The following CDH22 variants were observed in gnomAD, a reference collection of about 807,000 sequenced individuals.
CDH22 encodes cadherin-22.
CDH22 carries 30 observed loss-of-function variants against 58.4 expected under a neutral mutation model. The observed-to-expected ratio is 0.51, with a 90% confidence interval of 0.38 to 0.70. The LOEUF is 0.70. CDH22 is among the 30% of genes least tolerant of loss of function. CDH22 has a pLI of 0.00. For synonymous variants in CDH22, 513 were observed against 558.2 expected, an observed-to-expected ratio of 0.92 and a Z score of 1.14; for missense variants, 1,014 against 1,233.9, an observed-to-expected ratio of 0.82 and a Z score of 2.67.
intron 1 of CDH22, among the ~76,000 whole-genome samples, chr20:46,304,874 T>C (rs1477601822): frequency 2.0e-5 from 3 of 152,168 alleles, no homozygotes; most frequent in African/African-American, 7.2e-5. Flanking sequence ...GGCTGGTAAG[T>C]ATATGAAGCC....
chr20:46,285,856 C>T (rs1028860473), intron 1 of CDH22, among the ~76,000 whole-genome samples: 3 of 152,114 alleles, frequency 2.0e-5, no homozygotes, highest in African/African-American at 7.2e-5. Context: ...AATCTCTGCC[C>T]GTTTGGGACT....
Position 46,241,331 on chromosome 20 carries a change from T to C in CDH22, c.256-74A>G, listed in dbSNP as rs1394737756. On this transcript the variant is annotated intron_variant, in intron 2 of 11. Coordinates refer to ENST00000537909, the MANE Select transcript of CDH22 (RefSeq NM_021248.3). This position sits in a 1 kb window ranked among gnomAD's most constrained non-coding sequence, Gnocchi z 5.2. ...TCTTGGCCTCACTGTCTCATGCCATTGGCTGCCTATTCCTAAGCCCATCTC... is the reference window on the plus strand; with the variant it reads ...TCTTGGCCTCACTGTCTCATGCCATCGGCTGCCTATTCCTAAGCCCATCTC... 1.0e-5 allele frequency: 13 copies of C among 1,294,158 alleles called. No homozygotes were observed. The highest frequency in any genetic ancestry group is 2.4e-5 in the Admixed American group (1 of 41,236). 80.2% of individuals were successfully genotyped at this position (1,294,158 alleles called of 1,614,324 possible).
chr20:46,193,091 C>T (rs1430310206), intron 8 of CDH22, among the ~76,000 whole-genome samples: 2 of 152,106 alleles, frequency 1.3e-5, no homozygotes, highest in Non-Finnish European at 2.9e-5. Flanking sequence ...ACCCTGAAAT[C>T]ATAACATCCC....
In CDH22 at chr20:46,227,515, G is replaced by T; in HGVS notation, c.663C>A (p.Pro221=). Residue 221 remains proline, a synonymous_variant, in exon 4 of 12, where the codon CCC becomes CCA. Coordinates refer to ENST00000537909, the MANE Select transcript of CDH22 (RefSeq NM_021248.3). ...CCCCGCCCTGCCCCTCACCGGTCTT[G>T]GGGTCCACGGTGAAGTGGTGCTCGC... ...LDGEHHFTVD[P]KTGVIRTAVP... 6.5e-7 allele frequency: 1 copy of T among 1,535,280 alleles called. No homozygotes were observed. The highest frequency in any genetic ancestry group is 2.5e-5 in the East Asian group (1 of 39,468).
At position 46,210,582 on chromosome 20, in the gene CDH22, C is replaced by T; in HGVS notation, c.1033-22G>A. On this transcript the variant is annotated intron_variant, in intron 6 of 11. Transcript: ENST00000537909. This position sits in a 1 kb window ranked among gnomAD's most constrained non-coding sequence, Gnocchi z 4.5. ...GGCGCTGCGGGAGGGAGCAGAGGGC[C>T]GGTTAGTGGGTGGGGTCTGGTGGAC... 1 of 1,421,572 alleles carries T rather than the reference C, an allele frequency of 7.0e-7. No homozygotes were observed. The highest frequency in any genetic ancestry group is 9.2e-7 in the Non-Finnish European group (1 of 1,083,960). The allele number at this position is 1,421,572 out of a possible 1,614,324, so 88.1% of individuals were successfully genotyped here.
intron 10 of CDH22, among the ~76,000 whole-genome samples, chr20:46,181,161 G>A (rs2085781500): frequency 6.6e-6 from 1 of 152,136 alleles, no homozygotes; most frequent in African/African-American, 2.4e-5. Context: ...ACACCAGCTC[G>A]CTGCTGGTCC....
At chr20:46,223,629 TTTTCTTTC>T (rs74176856) in intron 4 of CDH22, among the ~76,000 whole-genome samples, 28 of 145,442 alleles carry the variant, frequency 1.9e-4, no homozygotes, top group African/African-American at 7.6e-4. Flanking sequence ...TTTCTTTCTT[TTTTCTTTC>T]TTTCTTTCTT....
At chr20:46,288,628 C>T (rs1158022075) in intron 1 of CDH22, among the ~76,000 whole-genome samples, 2 of 152,204 alleles carry the variant, frequency 1.3e-5, no homozygotes, top group East Asian at 3.8e-4. Context: ...ATAATGAGAA[C>T]ATAAATTCAA....
At chr20:46,238,347 T>C (rs1318048370) in intron 3 of CDH22, among the ~76,000 whole-genome samples, 4 of 152,170 alleles carry the variant, frequency 2.6e-5, no homozygotes, top group South Asian at 2.1e-4. Context: ...GACATGTCAC[T>C]GTCTCTCTGA....
intron 3 of CDH22, among the ~76,000 whole-genome samples, chr20:46,229,914 GCT>G (rs1259484233): frequency 6.6e-6 from 1 of 152,044 alleles, no homozygotes; most frequent in African/African-American, 2.4e-5. Context: ...ACATGGCTGA[GCT>G]CTCTCTCTCC....
chr20:46,305,666 G>T (rs1352617389), intron 1 of CDH22, among the ~76,000 whole-genome samples: 2 of 152,244 alleles, frequency 1.3e-5, no homozygotes, highest in Non-Finnish European at 2.9e-5. Context: ...CTGCATTTCA[G>T]ATTGGAGCTT....
At chr20:46,209,594 T>C (rs2086025260) in intron 7 of CDH22, among the ~76,000 whole-genome samples, 1 of 151,974 alleles carries the variant, frequency 6.6e-6, no homozygotes. Flanking sequence ...ACTGCAATAC[T>C]CCAGGCAAGA....
intron 1 of CDH22, among the ~76,000 whole-genome samples, chr20:46,271,174 A>G (rs554331033): frequency 2.0e-5 from 3 of 152,308 alleles, no homozygotes; most frequent in South Asian, 2.1e-4. Flanking sequence ...ACATCCATTT[A>G]TCAAAGCCCC....
rs1471166524 is a variant in CDH22 at position 46,308,466 on chromosome 20, C to A, written c.-611G>T. 2 of 212,602 alleles carry A rather than the reference C, an allele frequency of 9.4e-6. No individual in the cohort carries two copies. The highest frequency in any genetic ancestry group is 2.4e-5 in the African/African-American group (1 of 42,454). 13.2% of individuals were successfully genotyped at this position (212,602 alleles called of 1,614,324 possible). The stretch of plus-strand genomic sequence containing the variant: ...GAGAGCGAGAGAGCGAGGGAGTGAG[C>A]GAGCGAGCGGGAGCGAGGGAGTGTG... On this transcript the variant is annotated 5_prime_UTR_variant, in exon 1 of 12. Coordinates refer to ENST00000537909, the MANE Select transcript of CDH22 (RefSeq NM_021248.3). This position sits in a 1 kb window ranked among gnomAD's most constrained non-coding sequence, Gnocchi z 4.3.
intron 1 of CDH22, among the ~76,000 whole-genome samples, chr20:46,258,220 G>C (rs567063211): frequency 4.6e-5 from 7 of 152,248 alleles, no homozygotes; most frequent in Non-Finnish European, 8.8e-5. Context: ...ACTGGGAGGA[G>C]GGAAGGTGGG....
intron 3 of CDH22, among the ~76,000 whole-genome samples, chr20:46,237,661 C>T (rs2086263221): frequency 1.3e-5 from 2 of 152,200 alleles, no homozygotes; most frequent in South Asian, 2.1e-4. Flanking sequence ...CGACATTTTT[C>T]CTGAGTGGAC....
rs372141845 is a variant in CDH22 at position 46,174,884 on chromosome 20, G to A, written c.2109C>T (p.Gly703=). ...DFGELKGGDG[G]GSAGGGAGGG... ...CGCCCGCTCCCCCGCCCGCGCTGCC[G>A]CCCCCGTCGCCGCCCTTGAGCTCGC... The change falls in exon 12 of 12, where the codon GGC becomes GGT. Residue 703 remains glycine (G), a synonymous_variant. Coordinates refer to ENST00000537909, the MANE Select transcript of CDH22 (RefSeq NM_021248.3). The surrounding 1 kb of genome is among the most constrained non-coding windows in gnomAD (Gnocchi z 4.4). 7.1e-6 allele frequency: 7 copies of A among 983,504 alleles called. No individual in the cohort carries two copies. Among genetic ancestry groups the A allele is most frequent in the Non-Finnish European group, 7.8e-6 (6 of 770,866 alleles). The allele number at this position is 983,504 out of a possible 1,614,324, so 60.9% of individuals were successfully genotyped here.
At chr20:46,303,371 A>G (rs1453630461) in intron 1 of CDH22, among the ~76,000 whole-genome samples, 1 of 152,090 alleles carries the variant, frequency 6.6e-6, no homozygotes, top group Non-Finnish European at 1.5e-5. Flanking sequence ...TTCCTCCTAG[A>G]AGCCTCTGCT....
chr20:46,306,722 G>A (rs530817271), intron 1 of CDH22, among the ~76,000 whole-genome samples: 2 of 152,206 alleles, frequency 1.3e-5, no homozygotes, highest in South Asian at 2.1e-4. Context: ...AAGATGGGTC[G>A]GGGTTGGGGG....
Sources: allele counts gnomAD v4.1 joint callset (sites outside exome capture counted in the v4.1 genomes callset), GRCh38; gene constraint gnomAD v4.1.1; non-coding constraint Gnocchi (gnomAD v3.1); transcripts MANE v1.5; gene names NCBI Gene and HGNC (gene_info 2026-07-23, HGNC 2026-07-21).